The following SEPTIN12 variants were observed in gnomAD, a reference collection of about 807,000 sequenced individuals.
SEPTIN12 encodes septin-12.
SEPTIN12 carries 42 observed loss-of-function variants against 37.7 expected under a neutral mutation model. That is an observed-to-expected ratio of 1.11 (90% confidence interval 0.87 to 1.44). The LOEUF is 1.44. SEPTIN12 is among the 40% of genes most tolerant of loss of function. SEPTIN12 has a pLI of 0.00. For synonymous variants in SEPTIN12, 254 were observed against 196.7 expected (o/e 1.29, Z -2.44); for missense variants, 613 against 479.2 (o/e 1.28, Z -2.61).
upstream of SEPTIN12, among the ~76,000 whole-genome samples, chr16:4,791,369 A>G (rs2082548424): frequency 6.6e-6 from 1 of 152,224 alleles, no homozygotes; most frequent in Non-Finnish European, 1.5e-5. Flanking sequence ...ACACGTCAAC[A>G]CGGCGATAAT....
upstream of SEPTIN12, among the ~76,000 whole-genome samples, chr16:4,791,564 T>TG (rs1405140105): frequency 6.6e-6 from 1 of 152,140 alleles, no homozygotes; most frequent in African/African-American, 2.4e-5. Context: ...GCTCACACAT[T>TG]GGTGGGTCTT....
chr16:4,779,635 G>A, intron 8 of SEPTIN12, 55 bp downstream of exon 8: 1 of 1,097,970 alleles, frequency 9.1e-7, no homozygotes, highest in Non-Finnish European at 1.4e-6. Context: ...GCCCAAGGCT[G>A]CTCTGGTTTC....
In SEPTIN12 at chr16:4,778,222, C is replaced by T. The variant is rs890181190; in HGVS notation, c.824-85G>A. 1.3e-4 allele frequency: 183 copies of T among 1,391,906 alleles called. 1 individual carries two copies. The African/African-American group carries it at 2.4e-3, about 19-fold the overall frequency. The allele number at this position is 1,391,906 out of a possible 1,614,324, so 86.2% of individuals were successfully genotyped here. On this transcript the variant is annotated intron_variant, in intron 8 of 9. Coordinates refer to ENST00000268231, the MANE Select transcript of SEPTIN12 (RefSeq NM_144605.5). ...GTATGCACCACCTGACACCATTTCC[C>T]TTAGCCCTTTTCCCACATTTCTCTT... is the stretch of plus-strand genomic sequence containing the variant.
At chr16:4,789,470 C>T (rs893390373), upstream of SEPTIN12, among the ~76,000 whole-genome samples, 6 of 151,694 alleles carry the variant, frequency 4.0e-5, no homozygotes, top group Admixed American at 3.3e-4. Context: ...GGACTACAGG[C>T]GCCTGCCACC....
Position 4,777,823 on chromosome 16 carries a change from G to A in SEPTIN12, c.1051C>T (p.His351Tyr). ...CAGAACTCATCATCAGAATCGTCAT[G>A]GGCCCCCCTGCAGACCTTGAAGGTC... The part of the protein sequence containing the change: ...PRTFKVCRGA[H>Y]DDSDDEF The change falls in exon 10 of 10, where the codon CAT becomes TAT. Residue 351 changes from histidine (H) to tyrosine (Y), a missense_variant. Coordinates refer to ENST00000268231, the MANE Select transcript of SEPTIN12 (RefSeq NM_144605.5). The A allele has an allele frequency of 7.0e-6, 11 of 1,578,122 alleles. No individual in the cohort carries two copies. Among genetic ancestry groups the A allele is most frequent in the Non-Finnish European group, 7.7e-6 (9 of 1,163,042 alleles).
At chr16:4,787,444 G>T in intron 2 of SEPTIN12, 36 bp downstream of exon 2, 2 of 1,600,792 alleles carry the variant, frequency 1.2e-6, no homozygotes, top group South Asian at 2.2e-5. Context: ...GTAGCACTGT[G>T]GGTCTGTCCT....
intron 1 of SEPTIN12, chr16:4,787,941 A>G (rs533796945): frequency 2.7e-5 from 9 of 334,782 alleles, no homozygotes; most frequent in Middle Eastern, 9.0e-4. Context: ...GGGGCCTCTC[A>G]GGTCGCTTCC....
At position 4,778,088 on chromosome 16, in the gene SEPTIN12, G is replaced by A. The variant is rs1278134788; in HGVS notation, c.873C>T (p.Ile291=). The part of the protein sequence containing the change: ...CEFPLLRDLL[I]RSHLQDLKDI... ...CCCCAGGCTCCCCACACCCTCACCG[G>A]ATAAGCAGGTCTCTCAGGAGAGGAA... The change falls in exon 9 of 10, where the codon ATC becomes ATT. Residue 291 remains isoleucine, a splice_region_variant and synonymous_variant. Coordinates refer to ENST00000268231, the MANE Select transcript of SEPTIN12 (RefSeq NM_144605.5). 1 of 1,614,118 alleles carries A rather than the reference G, an allele frequency of 6.2e-7. No homozygotes were observed. The highest frequency in any genetic ancestry group is 1.3e-5 in the African/African-American group (1 of 75,040).
At chr16:4,778,059 C>T in intron 9 of SEPTIN12, 27 bp downstream of exon 9, 1 of 1,613,894 alleles carries the variant, frequency 6.2e-7, no homozygotes. Context: ...CGCCAGCCCC[C>T]TAGCCCCAGG....
intron 4 of SEPTIN12, 99 bp downstream of exon 4, chr16:4,785,708 G>A (rs540295564): frequency 1.6e-5 from 13 of 832,200 alleles, no homozygotes; most frequent in South Asian, 1.1e-4. Flanking sequence ...AACCTGGGAG[G>A]TGGAGGTTGC....
intron 7 of SEPTIN12, among the ~76,000 whole-genome samples, chr16:4,781,872 G>A (rs1049449294): frequency 3.4e-5 from 5 of 148,292 alleles, no homozygotes; most frequent in African/African-American, 1.3e-4. Flanking sequence ...TCGAACTCCC[G>A]ACCTCAGGTA....
chr16:4,782,196 C>T (rs1011005803), intron 7 of SEPTIN12, among the ~76,000 whole-genome samples: 4 of 151,964 alleles, frequency 2.6e-5, no homozygotes, highest in Non-Finnish European at 4.4e-5. Context: ...GTGATCTGCC[C>T]ACCTCAGCTT....
At chr16:4,785,777 TAAAAA>T in intron 4 of SEPTIN12, 25 bp downstream of exon 4, 6 of 1,195,564 alleles carry the variant, frequency 5.0e-6, no homozygotes, top group Non-Finnish European at 7.0e-6. Flanking sequence ...AAACTCTGCC[TAAAAA>T]AAAAAAAAAA....
At chr16:4,791,483 T>A (rs2082550296), upstream of SEPTIN12, among the ~76,000 whole-genome samples, 2 of 151,878 alleles carry the variant, frequency 1.3e-5, no homozygotes, top group Admixed American at 1.3e-4. Flanking sequence ...TGGGAGGAGG[T>A]GGATACTATT....
At chr16:4,782,334 T>A (rs1385997203) in intron 7 of SEPTIN12, among the ~76,000 whole-genome samples, 1 of 152,206 alleles carries the variant, frequency 6.6e-6, no homozygotes, top group African/African-American at 2.4e-5. Context: ...CCGCACTGTG[T>A]TTCCCCACTC....
chr16:4,783,513 C>A lies in SEPTIN12; in HGVS notation c.675G>T (p.Gln225His), dbSNP rs1264568719. The A allele has an allele frequency of 2.5e-6, 4 of 1,614,196 alleles. No homozygotes were observed. The highest frequency in any genetic ancestry group is 2.5e-6 in the Non-Finnish European group (3 of 1,180,036). Residue 225 changes from glutamine to histidine, a missense_variant, in exon 7 of 10, where the codon CAG becomes CAT. Transcript: ENST00000268231. ...CATTGATGTCCTCGTCAAAGCACAT[C>A]TGGGGGTAGACGTCGATGCAGTGGG... is the stretch of plus-strand genomic sequence containing the variant. The part of the protein sequence containing the change: ...LRTHCIDVYP[Q>H]MCFDEDINDK...
At chr16:4,786,609 C>T (rs1012440650) in intron 2 of SEPTIN12, among the ~76,000 whole-genome samples, 12 of 152,074 alleles carry the variant, frequency 7.9e-5, no homozygotes, top group Non-Finnish European at 1.8e-4. Flanking sequence ...CCTGCCTCAG[C>T]CTCCCAAAGT....
chr16:4,785,789 A>T lies in SEPTIN12; in HGVS notation c.374+18T>A. On this transcript the variant is annotated intron_variant, in intron 4 of 9. Transcript: ENST00000268231. Reference sequence around the variant, plus strand: ...GTGAAACTCTGCCTAAAAAAAAAAAAAAAGAGAGAGAACCTACCAGTTGTC... The same window carrying T: ...GTGAAACTCTGCCTAAAAAAAAAAATAAAGAGAGAGAACCTACCAGTTGTC... 6.4e-7 allele frequency: 1 copy of T among 1,557,780 alleles called. No individual in the cohort carries two copies. The highest frequency in any genetic ancestry group is 8.7e-7 in the Non-Finnish European group (1 of 1,148,158).
At chr16:4,783,433 C>T (rs538289781) in intron 7 of SEPTIN12, 29 bp downstream of exon 7, 13 of 1,552,232 alleles carry the variant, frequency 8.4e-6, no homozygotes, top group South Asian at 4.5e-5. Context: ...GAAATCACCT[C>T]GCCCGCCTCC....
Sources: allele counts gnomAD v4.1 joint callset (sites outside exome capture counted in the v4.1 genomes callset), GRCh38; gene constraint gnomAD v4.1.1; transcripts MANE v1.5; gene names NCBI Gene and HGNC (gene_info 2026-07-23, HGNC 2026-07-21).